PAX5: variants seen among roughly 807,000 people sequenced by gnomAD.
PAX5 encodes the protein paired box 5, also known as paired box protein Pax-5.
A neutral mutation model predicts 43.7 loss-of-function variants in PAX5; 9 were observed. The ratio of observed to expected loss-of-function variants is 0.21; its 90% CI spans 0.12 to 0.36. PAX5 has a LOEUF of 0.36. PAX5 is among the 10% of genes least tolerant of loss of function. PAX5 has a pLI of 1.00. For missense variants in PAX5, 383 were observed against 532.7 expected (o/e 0.72, Z 2.77); for synonymous variants, 228 against 214.3 (o/e 1.06, Z -0.56).
intron 4 of PAX5, among the ~76,000 whole-genome samples, chr9:37,006,215 T>TC (rs1228060305): frequency 6.6e-6 from 1 of 151,952 alleles, no homozygotes; most frequent in Non-Finnish European, 1.5e-5. Context: ...TAGTGGATTT[T>TC]TTTTTGGCTT....
At chr9:36,958,232 G>A (rs1341661349) in intron 6 of PAX5, among the ~76,000 whole-genome samples, 1 of 151,960 alleles carries the variant, frequency 6.6e-6, no homozygotes, top group African/African-American at 2.4e-5. Context: ...TGAGGACCGT[G>A]ACCATTGCCT....
At chr9:36,970,626 G>C (rs867358335) in intron 5 of PAX5, among the ~76,000 whole-genome samples, 2 of 152,192 alleles carry the variant, frequency 1.3e-5, no homozygotes, top group Non-Finnish European at 2.9e-5. Flanking sequence ...GTAGGAGCTT[G>C]CATTTGTGGG....
intron 9 of PAX5, among the ~76,000 whole-genome samples, chr9:36,843,093 CGTGT>C (rs149354277): frequency 1.3e-5 from 2 of 149,102 alleles, no homozygotes; most frequent in African/African-American, 4.9e-5. Context: ...TGTGTGTGTG[CGTGT>C]GTGTGTGTGA....
chr9:37,031,208 A>T (rs1840946612), intron 1 of PAX5, among the ~76,000 whole-genome samples: 1 of 152,162 alleles, frequency 6.6e-6, no homozygotes. Context: ...GGGGTGTGTT[A>T]TCATTACCAG....
At chr9:36,953,695 C>T (rs868387077) in intron 6 of PAX5, among the ~76,000 whole-genome samples, 15 of 152,150 alleles carry the variant, frequency 9.9e-5, no homozygotes, top group African/African-American at 3.4e-4. Context: ...ATTTTCATCT[C>T]TCTGCTTACA....
chr9:36,961,225 C>T (rs1283844271), intron 6 of PAX5, among the ~76,000 whole-genome samples: 3 of 152,220 alleles, frequency 2.0e-5, no homozygotes, highest in African/African-American at 7.2e-5. Flanking sequence ...CTGTTCGGCC[C>T]ACCAGCCTGG....
Position 36,840,215 on chromosome 9 carries a change from A to T in PAX5, c.*345T>A. On this transcript the variant is annotated 3_prime_UTR_variant, in exon 10 of 10. Coordinates refer to ENST00000358127, the MANE Select transcript of PAX5 (RefSeq NM_016734.3). The stretch of plus-strand genomic sequence containing the variant: ...GCAACAAAAGCAAGCTCTCCTTCCC[A>T]GGCTGGGGTGGTTATGATGGATGGA... 2.1e-6 allele frequency: 1 copy of T among 471,694 alleles called. No individual in the cohort carries two copies. Among genetic ancestry groups the T allele is most frequent in the Non-Finnish European group, 3.8e-6 (1 of 261,914 alleles). The allele number at this position is 471,694 out of a possible 1,614,324, so 29.2% of individuals were successfully genotyped here. A position where few individuals can be genotyped will look rare whatever the true frequency, so the allele number is the denominator to read the frequency against.
chr9:36,931,202 AAGG>A (rs1055430155), intron 6 of PAX5, among the ~76,000 whole-genome samples: 2 of 152,230 alleles, frequency 1.3e-5, no homozygotes, highest in Admixed American at 6.5e-5. Flanking sequence ...ATCTACCCAG[AAGG>A]AGGACAGAAG....
chr9:36,939,562 C>A (rs975894058), intron 6 of PAX5, among the ~76,000 whole-genome samples: 1 of 152,208 alleles, frequency 6.6e-6, no homozygotes, highest in Non-Finnish European at 1.5e-5. Flanking sequence ...TTTCCATTCC[C>A]TCTTTGTTTC....
At chr9:37,016,438 A>C (rs1839390493) in intron 2 of PAX5, among the ~76,000 whole-genome samples, 1 of 152,248 alleles carries the variant, frequency 6.6e-6, no homozygotes, top group African/African-American at 2.4e-5. Context: ...CCCCTGAGGT[A>C]AATGGCTGTT....
In PAX5 at chr9:36,929,935, A is replaced by G. The variant is rs1830989577; in HGVS notation, c.781-6451T>C. ...GAGATGGGGTTTCACCATGTTAGTC[A>G]GGTTGGTCTTGAACTTCTGACCTCA... is the stretch of plus-strand genomic sequence containing the variant. On this transcript the variant is annotated intron_variant, in intron 6 of 9. Coordinates refer to ENST00000358127, the MANE Select transcript of PAX5 (RefSeq NM_016734.3). Among the ~76,000 whole-genome samples, 4 of 152,154 alleles carry G rather than the reference A, an allele frequency of 2.6e-5. 2 individuals are homozygous for G. In the South Asian group the frequency reaches 8.3e-4, roughly 32 times the overall value.
rs542798665 is a variant in PAX5 at position 36,906,159 on chromosome 9, C to G, written c.910+17196G>C. The stretch of plus-strand genomic sequence containing the variant: ...GGTAGACAGAAGAATAATCCACCCC[C>G]CACCCCAGGATGTCTACATCCTAAT... On this transcript the variant is annotated intron_variant, in intron 7 of 9. Transcript: ENST00000358127. Among the ~76,000 whole-genome samples the G allele has an allele frequency of 7.2e-5, 11 of 152,272 alleles. 1 individual carries two copies. The South Asian group carries it at 2.3e-3, about 32-fold the overall frequency.
intron 7 of PAX5, among the ~76,000 whole-genome samples, chr9:36,915,551 G>A (rs905179809): frequency 2.0e-5 from 3 of 152,090 alleles, no homozygotes; most frequent in African/African-American, 7.2e-5. Context: ...AGAAAAAAAT[G>A]GGCAAAGGAT....
intron 1 of PAX5, among the ~76,000 whole-genome samples, chr9:37,024,145 G>A (rs1035263028): frequency 1.3e-5 from 2 of 152,180 alleles, no homozygotes; most frequent in African/African-American, 4.8e-5. Context: ...GAAGCTGAAG[G>A]TTTAGGCCAC....
intron 1 of PAX5, among the ~76,000 whole-genome samples, chr9:37,025,564 G>A (rs1382650159): frequency 6.6e-6 from 1 of 152,326 alleles, no homozygotes; most frequent in African/African-American, 2.4e-5. Context: ...GCCTGGCTCT[G>A]CAGCAAACAG....
intron 7 of PAX5, chr9:36,893,437 G>C (rs931605193): frequency 6.6e-6 from 1 of 152,482 alleles, no homozygotes; most frequent in Non-Finnish European, 1.5e-5. Context: ...CCTGCAATCC[G>C]GCTATGAGTA....
At chr9:36,965,360 G>C (rs1588100261) in intron 6 of PAX5, among the ~76,000 whole-genome samples, 1 of 152,206 alleles carries the variant, frequency 6.6e-6, no homozygotes, top group South Asian at 2.1e-4. Context: ...CATCATATTT[G>C]TTATGTGAAT....
intron 6 of PAX5, among the ~76,000 whole-genome samples, chr9:36,962,043 C>G (rs1288334930): frequency 6.6e-6 from 1 of 152,218 alleles, no homozygotes; most frequent in African/African-American, 2.4e-5. Flanking sequence ...GCAGCCTGGG[C>G]CCACCCACCC....
chr9:36,950,790 G>C (rs946801306), intron 6 of PAX5, among the ~76,000 whole-genome samples: 1 of 147,028 alleles, frequency 6.8e-6, no homozygotes, highest in Middle Eastern at 3.6e-3. Flanking sequence ...ATCCAGGCTG[G>C]AGCGCAATGC....
Sources: gnomAD v4.1 joint callset for allele counts (sites outside exome capture counted in the v4.1 genomes callset) on GRCh38, gnomAD v4.1.1 for gene constraint, MANE v1.5 for transcripts, NCBI Gene and HGNC (gene_info 2026-07-23, HGNC 2026-07-21) for gene names.